Variants in P3H2 observed in about 807,000 individuals in gnomAD.
P3H2 encodes leprecan-like 1.
P3H2 carries 80 observed loss-of-function variants against 87.0 expected under a neutral mutation model. That is an observed-to-expected ratio of 0.92 (90% CI 0.77 to 1.11). The LOEUF (loss-of-function observed/expected upper bound fraction) is 1.11, where lower values mean the gene tolerates loss of function less well. Ranked by LOEUF, P3H2 falls within the 50% of genes least tolerant of loss-of-function variation. The pLI, the probability that P3H2 is intolerant of heterozygous loss-of-function variation, is 0.00. For missense variants in P3H2, 1,001 were observed against 923.9 expected (o/e 1.08, Z -1.08); for synonymous variants, 367 against 359.3 (o/e 1.02, Z -0.24).
intron 1 of P3H2, among the ~76,000 whole-genome samples, chr3:190,058,673 A>G (rs1487034888): frequency 1.3e-5 from 2 of 152,298 alleles, no homozygotes; most frequent in South Asian, 2.1e-4. Context: ...TTGCTGATGC[A>G]GACAGCAAGT....
chr3:190,098,462 A>G (rs1439905872), intron 1 of P3H2, among the ~76,000 whole-genome samples: 1 of 152,212 alleles, frequency 6.6e-6, no homozygotes, highest in Non-Finnish European at 1.5e-5. Flanking sequence ...AGGATAATAG[A>G]TGATAGATAG....
At chr3:190,051,672 G>T (rs1725988076) in intron 1 of P3H2, among the ~76,000 whole-genome samples, 1 of 152,186 alleles carries the variant, frequency 6.6e-6, no homozygotes, top group Admixed American at 6.5e-5. Flanking sequence ...TGCAATACTT[G>T]TTTGTCATTT....
chr3:190,019,785 A>ATATATAT lies in P3H2; in HGVS notation c.481-24344_481-24343insATATATA, dbSNP rs1560365170. Among the ~76,000 whole-genome samples the ATATATAT allele has an allele frequency of 5.9e-3, 221 of 37,360 alleles. 12 individuals carry two copies. The highest frequency in any genetic ancestry group is 0.012 in the African/African-American group (187 of 15,058). 24.5% of individuals were successfully genotyped at this position (37,360 alleles called of 152,430 possible). ...ATGTGACATTACCTAGAAATTAAAA[A>ATATATAT]ATATATATATATATATATATATATA... On this transcript the variant is annotated intron_variant, in intron 1 of 14. Coordinates refer to ENST00000319332, the MANE Select transcript of P3H2 (RefSeq NM_018192.4).
intron 1 of P3H2, among the ~76,000 whole-genome samples, chr3:190,118,857 C>T (rs1017106197): frequency 3.3e-5 from 5 of 151,184 alleles, no homozygotes; most frequent in Admixed American, 2.0e-4. Context: ...CTTTTGGAGG[C>T]GGAGACGGAC....
chr3:190,075,484 T>C (rs1389542199), intron 1 of P3H2, among the ~76,000 whole-genome samples: 1 of 110,738 alleles, frequency 9.0e-6, no homozygotes, highest in Non-Finnish European at 1.8e-5. Context: ...AAACTCCGTC[T>C]CAAAAAAAAA....
intron 1 of P3H2, among the ~76,000 whole-genome samples, chr3:190,053,452 T>G (rs1403016678): frequency 2.2e-3 from 303 of 137,140 alleles, no homozygotes; most frequent in African/African-American, 6.6e-3. Context: ...ATAAAGTGGT[T>G]TTTTTTTTTT....
chr3:190,111,328 G>A (rs562815683), intron 1 of P3H2, among the ~76,000 whole-genome samples: 3 of 152,210 alleles, frequency 2.0e-5, no homozygotes, highest in African/African-American at 2.4e-5. Flanking sequence ...AGTGGTCAAC[G>A]GCCATTTCAC....
intron 5 of P3H2, 100 bp downstream of exon 5, chr3:189,987,427 C>T: frequency 7.1e-7 from 1 of 1,403,716 alleles, no homozygotes; most frequent in South Asian, 1.3e-5. Flanking sequence ...TGCGGTGAGC[C>T]AAGATTGTGC....
intron 1 of P3H2, among the ~76,000 whole-genome samples, chr3:190,119,397 G>A (rs1712442839): frequency 6.6e-6 from 1 of 152,172 alleles, no homozygotes; most frequent in South Asian, 2.1e-4. Flanking sequence ...TGGGTGAGTG[G>A]CAGTGGAGGT....
At chr3:190,068,385 C>T (rs1726582460) in intron 1 of P3H2, among the ~76,000 whole-genome samples, 1 of 152,150 alleles carries the variant, frequency 6.6e-6, no homozygotes, top group Non-Finnish European at 1.5e-5. Flanking sequence ...TCGACAGCCA[C>T]TCTATAAGTG....
At chr3:190,008,149 T>C (rs1724454324) in intron 1 of P3H2, among the ~76,000 whole-genome samples, 1 of 151,930 alleles carries the variant, frequency 6.6e-6, no homozygotes, top group Admixed American at 6.6e-5. Context: ...AAAAGTGTTC[T>C]TCTCAGGGTC....
intron 14 of P3H2, among the ~76,000 whole-genome samples, chr3:189,959,205 A>G (rs2108900046): frequency 6.8e-6 from 1 of 147,414 alleles, no homozygotes; most frequent in South Asian, 2.2e-4. Context: ...TGTGCTTATA[A>G]GAAGTTGCTT....
chr3:190,074,886 A>G (rs1197905737), intron 1 of P3H2, among the ~76,000 whole-genome samples: 6 of 152,228 alleles, frequency 3.9e-5, no homozygotes, highest in Non-Finnish European at 5.9e-5. Context: ...AATCAAATAC[A>G]TGGTCAATGT....
chr3:190,111,174 A>G (rs556840150), intron 1 of P3H2, among the ~76,000 whole-genome samples: 1 of 152,348 alleles, frequency 6.6e-6, no homozygotes, highest in Non-Finnish European at 1.5e-5. Context: ...AGTAGGAAGA[A>G]CAGTAGTGCA....
intron 1 of P3H2, among the ~76,000 whole-genome samples, chr3:190,036,453 A>C (rs1725428035): frequency 7.2e-6 from 1 of 138,984 alleles, no homozygotes; most frequent in Non-Finnish European, 1.6e-5. Context: ...ATAATTAATA[A>C]CATCTAAACT....
chr3:190,120,493 A>C lies in P3H2; in HGVS notation c.239T>G (p.Ile80Ser), dbSNP rs1329982930. The change falls in exon 1 of 15, where the codon ATC (isoleucine) becomes AGC (serine). Residue 80 changes from isoleucine to serine, a missense_variant. Ile to Ser is a moderately radical substitution (Grantham distance 142). Transcript: ENST00000319332. ...GCAGTGGCGGGCACAGCGCGTGCGG[A>C]TTTCCCGCAGGCGCCGGTGGCTGCG... ...ALRSHRRLRE[I>S]RTRCARHCAA... 7.6e-6 allele frequency: 11 copies of C among 1,455,110 alleles called. No individual in the cohort carries two copies. The East Asian group carries it at 1.2e-4, about 16-fold the overall frequency. 90.1% of individuals were successfully genotyped at this position (1,455,110 alleles called of 1,614,324 possible). A position where few individuals can be genotyped will look rare whatever the true frequency, so the allele number is the denominator to read the frequency against.
chr3:190,061,034 T>A (rs549665206), intron 1 of P3H2, among the ~76,000 whole-genome samples: 2 of 152,152 alleles, frequency 1.3e-5, no homozygotes, highest in Non-Finnish European at 2.9e-5. Context: ...GTGTACACTA[T>A]ACTCATTTAC....
intron 13 of P3H2, among the ~76,000 whole-genome samples, chr3:189,970,278 ATATATATTATATATATATTTTT>A (rs2108907333): frequency 7.2e-6 from 1 of 137,994 alleles, no homozygotes; most frequent in South Asian, 2.2e-4. Context: ...ATATGTGTGT[ATATATATTATATATATATTTTT>A]TATATATATA....
rs536132296 is a variant in P3H2 at position 189,971,935 on chromosome 3, T to C, written c.1772A>G (p.Asn591Ser). Residue 591 changes from asparagine (N) to serine (S), a missense_variant, in exon 12 of 15, where the codon AAC (asparagine) becomes AGC (serine). Transcript: ENST00000319332. ...AGCAGGAGGCTCCTTCCAGCATTCG[T>C]TGGCCTCTGGATCCAACAAACAGTT... The part of the protein sequence containing the change: ...ADNCLLDPEA[N>S]ECWKEPPAYT... The C allele has an allele frequency of 1.4e-5, 22 of 1,613,718 alleles. 1 individual carries two copies. In the South Asian group the frequency reaches 2.2e-4, roughly 16 times the overall value.
Sources: allele counts gnomAD v4.1 joint callset (sites outside exome capture counted in the v4.1 genomes callset), GRCh38; gene constraint gnomAD v4.1.1; transcripts MANE v1.5; gene names NCBI Gene and HGNC (gene_info 2026-07-23, HGNC 2026-07-21).